Variants in JAK1 observed in about 807,000 individuals in gnomAD.
JAK1 encodes tyrosine-protein kinase JAK1.
In JAK1, 16 loss-of-function variants were observed where a neutral mutation model predicts 136.6. The observed-to-expected ratio is 0.12, with a 90% CI of 0.08 to 0.18. The LOEUF is 0.18. Among genes scored for constraint, JAK1 ranks in the 10% least tolerant of loss-of-function variants. JAK1 has a pLI of 1.00. For synonymous variants in JAK1, 492 were observed against 519.5 expected (o/e 0.95, Z 0.72); for missense variants, 859 against 1,450.1 (o/e 0.59, Z 6.62).
rs756508392 is a variant in JAK1, at chr1:64,883,311, T to G, written c.171A>C (p.Ala57=). Residue 57 remains alanine, a synonymous_variant, in exon 3 of 25, where the codon GCA becomes GCC. Transcript: ENST00000342505. The part of the protein sequence containing the change: ...PLRLGSGEYT[A]EELCIRAAQA... Reference sequence around the variant, plus strand: ...GTGCAGCCCTGATGCACAGTTCCTCTGCTGTGTACTCTCCACTGCCCAGCC... The same window carrying G: ...GTGCAGCCCTGATGCACAGTTCCTCGGCTGTGTACTCTCCACTGCCCAGCC... 1 of 1,614,068 alleles carries G rather than the reference T, an allele frequency of 6.2e-7. No homozygotes were observed. Among genetic ancestry groups the G allele is most frequent in the Non-Finnish European group, 8.5e-7 (1 of 1,179,942 alleles).
intron 1 of JAK1, among the ~76,000 whole-genome samples, chr1:64,934,609 T>C (rs1414147350): frequency 6.6e-6 from 1 of 152,228 alleles, no homozygotes; most frequent in African/African-American, 2.4e-5. Flanking sequence ...AGGCTCTGTC[T>C]GCCTGCATTC....
At chr1:64,853,308 C>T (rs1047731531) in intron 11 of JAK1, among the ~76,000 whole-genome samples, 2 of 152,164 alleles carry the variant, frequency 1.3e-5, no homozygotes, top group African/African-American at 2.4e-5. Flanking sequence ...GCTCTAAAGT[C>T]CTAGGCTGAT....
intron 1 of JAK1, among the ~76,000 whole-genome samples, chr1:65,054,345 T>C (rs1475309063): frequency 4.6e-5 from 7 of 152,144 alleles, no homozygotes; most frequent in Non-Finnish European, 1.0e-4. Context: ...TTATTTCATA[T>C]ATTGTATGTT....
In JAK1 at chr1:65,049,050, C is replaced by A. The variant is rs371895775; in HGVS notation, c.-180-4468G>T. On this transcript the variant is annotated intron_variant, in intron 1 of 25. Transcript: ENST00000671954. ...GAAGTCCCTCATTCACTGTCAATAG[C>A]CTTTTTCTGCTGTTAGGGGGCTTGC... Among the ~76,000 whole-genome samples, 20 of 152,312 alleles carry A rather than the reference C, an allele frequency of 1.3e-4. No individual in the cohort carries two copies. The East Asian group carries it at 2.7e-3, about 21-fold the overall frequency.
Position 64,984,992 on chromosome 1 carries a change from C to T in JAK1, c.-78+59488G>A. 1.1e-6 allele frequency: 1 copy of T among 877,764 alleles called. No individual in the cohort carries two copies. Among genetic ancestry groups the T allele is most frequent in the South Asian group, 1.3e-5 (1 of 76,364 alleles). 54.4% of individuals were successfully genotyped at this position (877,764 alleles called of 1,614,324 possible). A position where few individuals can be genotyped will look rare whatever the true frequency, so the allele number is the denominator to read the frequency against. On this transcript the variant is annotated intron_variant, in intron 2 of 25. Transcript: ENST00000671954. The surrounding 1 kb of genome is among the most constrained non-coding windows in gnomAD (Gnocchi z 4.1). Reference sequence around the variant, plus strand: ...AGAAGACCACAAAGACCAAGATAGCCCCAATACAGACAAAGCTTATCCCAT... The same window carrying T: ...AGAAGACCACAAAGACCAAGATAGCTCCAATACAGACAAAGCTTATCCCAT...
At chr1:64,960,643 C>T (rs1369571471) in intron 1 of JAK1, among the ~76,000 whole-genome samples, 1 of 152,136 alleles carries the variant, frequency 6.6e-6, no homozygotes, top group Non-Finnish European at 1.5e-5. Flanking sequence ...AGTAATCTTC[C>T]CTGAGTTAAA....
chr1:64,852,983 G>A (rs1655696339), intron 11 of JAK1, among the ~76,000 whole-genome samples: 1 of 152,178 alleles, frequency 6.6e-6, no homozygotes, highest in Admixed American at 6.5e-5. Flanking sequence ...TGTGGGACCT[G>A]CTGAGCCGTC....
rs1338287861 is a variant in JAK1 at position 64,904,977 on chromosome 1, A to T, written c.-77-18636T>A. On this transcript the variant is annotated intron_variant, in intron 1 of 24. Coordinates refer to ENST00000342505, the MANE Select transcript of JAK1 (RefSeq NM_002227.4). ...GGGAAAAATCCTTGCAATTCTGATA[A>T]AACAGGTAGGCACAAAGAAAATAAC... 2.6e-5 allele frequency among the ~76,000 whole-genome samples: 4 copies of T among 152,196 alleles called. No homozygotes were observed. In the East Asian group the frequency reaches 7.7e-4, roughly 29 times the overall value.
At chr1:64,859,391 A>T (rs1656152015) in intron 9 of JAK1, among the ~76,000 whole-genome samples, 1 of 152,244 alleles carries the variant, frequency 6.6e-6, no homozygotes, top group South Asian at 2.1e-4. Context: ...AGGTATGCAC[A>T]TCTCTCACAG....
intron 1 of JAK1, among the ~76,000 whole-genome samples, chr1:65,049,285 G>A (rs2100854406): frequency 6.6e-6 from 1 of 152,278 alleles, no homozygotes; most frequent in South Asian, 2.1e-4. Context: ...CAGCCGGCCA[G>A]GTAGTGCACA....
intron 2 of JAK1, among the ~76,000 whole-genome samples, chr1:65,001,767 T>A (rs576740308): frequency 1.3e-5 from 2 of 148,770 alleles, no homozygotes; most frequent in Non-Finnish European, 3.0e-5. Flanking sequence ...TGAGTGTGAG[T>A]GTGTGGTATG....
chr1:64,919,351 G>A (rs1011601704), intron 1 of JAK1, among the ~76,000 whole-genome samples: 1 of 152,094 alleles, frequency 6.6e-6, no homozygotes, highest in South Asian at 2.1e-4. Flanking sequence ...TGAACTCATC[G>A]TTTTTTATGG....
At chr1:65,000,053 C>T (rs548061716) in intron 2 of JAK1, among the ~76,000 whole-genome samples, 4 of 150,420 alleles carry the variant, frequency 2.7e-5, no homozygotes, top group East Asian at 3.9e-4. Context: ...TGCAGTGGCA[C>T]GATCTTGGGT....
intron 2 of JAK1, among the ~76,000 whole-genome samples, chr1:65,042,630 G>A (rs746622941): frequency 5.9e-5 from 9 of 152,068 alleles, no homozygotes; most frequent in East Asian, 1.9e-4. Context: ...TCTTTGATGC[G>A]GGTCCAGTAA....
rs188062268 is a variant in JAK1 at position 65,015,563 on chromosome 1, A to T, written c.-78+28917T>A. Among the ~76,000 whole-genome samples the T allele has an allele frequency of 1.4e-3, 215 of 152,328 alleles. 3 individuals carry two copies. The highest frequency in any genetic ancestry group is 1.9e-4 in the Non-Finnish European group (13 of 68,022). On this transcript the variant is annotated intron_variant, in intron 2 of 25. Transcript: ENST00000671954. ...GCAAAATGTAAAGTGATAGATTTAA[A>T]ATATTAGTAACTAATATCAGTTAAT...
At chr1:65,063,683 T>C (rs1283083429) in intron 1 of JAK1, among the ~76,000 whole-genome samples, 2 of 151,788 alleles carry the variant, frequency 1.3e-5, no homozygotes, top group Non-Finnish European at 2.9e-5. Flanking sequence ...CACACACCTG[T>C]AGTCCCAGCT....
At chr1:64,908,289 C>T (rs1645224836) in intron 1 of JAK1, among the ~76,000 whole-genome samples, 1 of 152,162 alleles carries the variant, frequency 6.6e-6, no homozygotes, top group African/African-American at 2.4e-5. Context: ...CTTACTCTCA[C>T]GGCAGTGACC....
intron 1 of JAK1, among the ~76,000 whole-genome samples, chr1:64,917,690 A>T (rs1645423517): frequency 6.6e-6 from 1 of 152,142 alleles, no homozygotes; most frequent in Admixed American, 6.5e-5. Flanking sequence ...CTGCTGCCTG[A>T]ATCAGCAGAA....
upstream of JAK1, among the ~76,000 whole-genome samples, chr1:64,968,039 G>A (rs1277028907): frequency 6.6e-6 from 1 of 152,198 alleles, no homozygotes; most frequent in South Asian, 2.1e-4. Flanking sequence ...ATGGGCTCAG[G>A]AAGTGGTAGG....
Sources: allele counts gnomAD v4.1 joint callset (sites outside exome capture counted in the v4.1 genomes callset), GRCh38; gene constraint gnomAD v4.1.1; non-coding constraint Gnocchi (gnomAD v3.1); transcripts MANE v1.5; gene names NCBI Gene and HGNC (gene_info 2026-07-23, HGNC 2026-07-21).